Variants in GADL1 observed in about 807,000 individuals in gnomAD.
GADL1 encodes GAD like acidic amino acid decarboxylase 1, also known as acidic amino acid decarboxylase GADL1.
GADL1 carries 71 observed loss-of-function variants against 69.5 expected under a neutral mutation model. That is an observed-to-expected ratio of 1.02 (90% confidence interval 0.84 to 1.25). The LOEUF (loss-of-function observed/expected upper bound fraction) is 1.25, where lower values mean the gene tolerates loss of function less well. Among genes scored for constraint, GADL1 ranks in the 50% most tolerant of loss-of-function variants. The probability of loss-of-function intolerance (pLI) is 0.00; values close to 1 mark genes in which losing one functional copy is unlikely to be tolerated. For synonymous variants in GADL1, 254 were observed against 214.4 expected (o/e 1.18, Z -1.62); for missense variants, 737 against 631.8 (o/e 1.17, Z -1.79).
At chr3:30,818,899 T>C (rs1697522052) in intron 11 of GADL1, among the ~76,000 whole-genome samples, 1 of 152,142 alleles carries the variant, frequency 6.6e-6, no homozygotes, top group Non-Finnish European at 1.5e-5. Flanking sequence ...GTCAGATCAC[T>C]TGAGGCCTGC....
rs1323876274 is a variant in GADL1, at chr3:30,894,596, G to C, written c.19C>G (p.Arg7Gly). The change falls in exon 1 of 15, where the codon CGC becomes GGC. Residue 7 changes from arginine (R) to glycine (G), a missense_variant. Coordinates refer to ENST00000282538, the MANE Select transcript of GADL1 (RefSeq NM_207359.3). ...TCGTTACCGTCCACAGGACACTGGC[G>C]GTCCGAGTCGCTGCTCATCTCCGCT... MSSDSD[R>G]QCPVDGDIDQ... The C allele has an allele frequency of 7.3e-5, 113 of 1,550,840 alleles. No individual in the cohort carries two copies. Among genetic ancestry groups the C allele is most frequent in the Non-Finnish European group, 9.5e-5 (109 of 1,146,642 alleles).
chr3:30,820,588 T>C (rs1344335141), intron 11 of GADL1, among the ~76,000 whole-genome samples: 1 of 152,166 alleles, frequency 6.6e-6, no homozygotes, highest in Non-Finnish European at 1.5e-5. Context: ...ATATAAAATG[T>C]ATAAATAACC....
chr3:30,761,022 A>G lies in GADL1; in HGVS notation c.1392+17157T>C, dbSNP rs564090478. ...ACAAGGATTAAAATTTACCATGCAG[A>G]ACACAACCCACAAAACATTTTGCAA... is the stretch of plus-strand genomic sequence containing the variant. On this transcript the variant is annotated intron_variant, in intron 14 of 14. Coordinates refer to ENST00000282538, the MANE Select transcript of GADL1 (RefSeq NM_207359.3). 3.3e-5 allele frequency among the ~76,000 whole-genome samples: 5 copies of G among 151,130 alleles called. No homozygotes were observed. In the South Asian group the frequency reaches 8.7e-4, roughly 26 times the overall value.
intron 14 of GADL1, among the ~76,000 whole-genome samples, chr3:30,750,140 C>T (rs1266938120): frequency 3.9e-5 from 6 of 152,164 alleles, no homozygotes; most frequent in East Asian, 3.9e-4. Flanking sequence ...AGATTATCCC[C>T]ATATAATATT....
intron 1 of GADL1, among the ~76,000 whole-genome samples, chr3:30,876,788 A>T (rs765156687): frequency 6.6e-6 from 1 of 151,926 alleles, no homozygotes; most frequent in Non-Finnish European, 1.5e-5. Flanking sequence ...ATTAATAGCC[A>T]ACTTTCTTGT....
At position 30,854,793 on chromosome 3, in the gene GADL1, T is replaced by C. The variant is rs939463368; in HGVS notation, c.338-4A>G. 2.0e-5 allele frequency: 30 copies of C among 1,516,026 alleles called. No homozygotes were observed. In the African/African-American group the frequency reaches 3.7e-4, roughly 19 times the overall value. 93.9% of individuals were successfully genotyped at this position (1,516,026 alleles called of 1,614,324 possible). A position where few individuals can be genotyped will look rare whatever the true frequency, so the allele number is the denominator to read the frequency against. On this transcript the variant is annotated splice_region_variant and splice_polypyrimidine_tract_variant and intron_variant, in intron 3 of 14. Transcript: ENST00000282538. ...TGGTTGAAAAATCTTGGGTGGTCTG[T>C]AAATTTAAAATGGAGTATTCATCTA...
At chr3:30,815,791 C>T (rs1023625751) in intron 11 of GADL1, among the ~76,000 whole-genome samples, 15 of 152,280 alleles carry the variant, frequency 9.9e-5, no homozygotes, top group Admixed American at 8.5e-4. Context: ...TACGGCTTTA[C>T]AATTCAGTTT....
intron 11 of GADL1, among the ~76,000 whole-genome samples, chr3:30,813,930 A>T (rs1331499871): frequency 6.6e-6 from 1 of 152,222 alleles, no homozygotes; most frequent in Non-Finnish European, 1.5e-5. Context: ...AATGCGCTGA[A>T]ATGACAAAAA....
intron 14 of GADL1, among the ~76,000 whole-genome samples, chr3:30,731,628 G>A (rs6763571): frequency 0.24 from 36,052 of 152,076 alleles, 4,434 homozygotes; most frequent in Non-Finnish European, 0.27. Flanking sequence ...TGGGCAAAAC[G>A]CAGGGAATAA....
At chr3:30,858,202 C>T (rs566527490) in intron 2 of GADL1, among the ~76,000 whole-genome samples, 17 of 152,088 alleles carry the variant, frequency 1.1e-4, no homozygotes, top group Non-Finnish European at 1.9e-4. Flanking sequence ...CATAATAGTG[C>T]TCAATAAAGA....
chr3:30,765,489 T>G (rs1023002970), intron 14 of GADL1, among the ~76,000 whole-genome samples: 1 of 152,226 alleles, frequency 6.6e-6, no homozygotes, highest in African/African-American at 2.4e-5. Flanking sequence ...ATCTACTATG[T>G]GATAACATTG....
intron 14 of GADL1, among the ~76,000 whole-genome samples, chr3:30,753,075 T>C (rs1168557991): frequency 6.6e-6 from 1 of 152,190 alleles, no homozygotes; most frequent in Non-Finnish European, 1.5e-5. Flanking sequence ...ATCAAAATGC[T>C]GTCACTGCCA....
chr3:30,811,751 A>T lies in GADL1; in HGVS notation c.1051-10663T>A, dbSNP rs1049574206. Among the ~76,000 whole-genome samples the T allele has an allele frequency of 4.6e-5, 7 of 152,344 alleles. No individual in the cohort carries two copies. The South Asian group carries it at 6.2e-4, about 14-fold the overall frequency. Reference sequence around the variant, plus strand: ...CTTACAATTGACTGTGTAACTCAAGAACAATTGGTACAGTGATTGTTAACC... The same window carrying T: ...CTTACAATTGACTGTGTAACTCAAGTACAATTGGTACAGTGATTGTTAACC... On this transcript the variant is annotated intron_variant, in intron 11 of 14. Coordinates refer to ENST00000282538, the MANE Select transcript of GADL1 (RefSeq NM_207359.3).
intron 14 of GADL1, among the ~76,000 whole-genome samples, chr3:30,770,330 G>A (rs1696388943): frequency 6.6e-6 from 1 of 152,100 alleles, no homozygotes; most frequent in South Asian, 2.1e-4. Context: ...ATATACTTGG[G>A]AATTCAGAAT....
At chr3:30,786,541 G>GC in intron 12 of GADL1, 135 bp from the exon 13 acceptor site, 3 of 624,512 alleles carry the variant, frequency 4.8e-6, no homozygotes, top group Non-Finnish European at 8.6e-6. Flanking sequence ...AACAGGCAGA[G>GC]CTATGGATAG....
chr3:30,815,369 G>A (rs146493861), intron 11 of GADL1, among the ~76,000 whole-genome samples: 1,670 of 152,282 alleles, frequency 0.011, 32 homozygotes, highest in African/African-American at 0.038. Context: ...TGACATTTAC[G>A]ATTCTCTGGC....
At chr3:30,864,942 G>A (rs536326721) in intron 1 of GADL1, among the ~76,000 whole-genome samples, 3 of 151,748 alleles carry the variant, frequency 2.0e-5, no homozygotes, top group Admixed American at 6.6e-5. Context: ...TACCTCCTAC[G>A]TTCCCTTGAA....
intron 14 of GADL1, among the ~76,000 whole-genome samples, chr3:30,750,218 G>A (rs536482238): frequency 2.6e-5 from 4 of 152,254 alleles, no homozygotes; most frequent in Non-Finnish European, 4.4e-5. Context: ...AATCAGAAGA[G>A]CACATAACTG....
intron 14 of GADL1, among the ~76,000 whole-genome samples, chr3:30,763,924 TTC>T (rs1023675684): frequency 2.6e-5 from 4 of 152,144 alleles, no homozygotes; most frequent in African/African-American, 4.8e-5. Flanking sequence ...ATTTTATAAA[TTC>T]TCTTGATAAT....
Sources: allele counts gnomAD v4.1 joint callset (sites outside exome capture counted in the v4.1 genomes callset), GRCh38; gene constraint gnomAD v4.1.1; transcripts MANE v1.5; gene names NCBI Gene and HGNC (gene_info 2026-07-23, HGNC 2026-07-21).